GAGE10: variants seen among roughly 807,000 people sequenced by gnomAD.
The protein encoded by GAGE10 is G antigen 10.
In GAGE10, 9 loss-of-function variants were observed where a neutral mutation model predicts 11.5. The observed-to-expected ratio is 0.78, with a 90% CI of 0.47 to 1.37. The LOEUF is 1.37. GAGE10 is among the 40% of genes most tolerant of loss of function. The pLI is 0.00. For missense variants in GAGE10, 83 were observed against 92.9 expected, an observed-to-expected ratio of 0.89 and a Z score of 0.44; for synonymous variants, 23 against 29.7, an observed-to-expected ratio of 0.77 and a Z score of 0.73.
intron 3 of GAGE10, among the ~76,000 whole-genome samples, chrX:49,306,507 A>C (rs1478963560): frequency 1.8e-5 from 2 of 112,276 alleles, no homozygotes; most frequent in Non-Finnish European, 3.8e-5. Flanking sequence ...CATGACTGTA[A>C]GATTTTCCAT....
chrX:49,311,459 G>T (rs1557124735), intron 3 of GAGE10, among the ~76,000 whole-genome samples: 1 of 111,577 alleles, frequency 9.0e-6, no homozygotes, highest in Non-Finnish European at 1.9e-5. Flanking sequence ...CAAGGAGGCT[G>T]TATGTGCATT....
intron 3 of GAGE10, among the ~76,000 whole-genome samples, chrX:49,313,160 G>A (rs2066380915): frequency 8.9e-6 from 1 of 112,278 alleles, no homozygotes; most frequent in South Asian, 3.7e-4. Flanking sequence ...TTAACCCTAG[G>A]ATCAGACAGT....
At chrX:49,313,521 G>A (rs1443807488) in intron 3 of GAGE10, among the ~76,000 whole-genome samples, 1 of 111,902 alleles carries the variant, frequency 8.9e-6, no homozygotes, top group Non-Finnish European at 1.9e-5. Flanking sequence ...GAGTGGGAAT[G>A]TAGGAGGTGC....
rs367700874 is a variant in GAGE10 at position 49,317,167 on chromosome X, G to A, written c.207G>A (p.Pro69=). The A allele has an allele frequency of 2.6e-5, 31 of 1,199,869 alleles. No individual in the cohort carries two copies. The highest frequency in any genetic ancestry group is 2.4e-4 in the East Asian group (8 of 33,446). ...EDEGASAGQG[P]KPEADSQEQV... ...TATGTATTTTTTATTTTTAATGGCC[G>A]AAGCCTGAAGCTGATAGCCAGGAAC... The change falls in exon 4 of 5, where the codon CCG becomes CCA. Residue 69 remains proline (P), a synonymous_variant. Coordinates refer to ENST00000407599, the MANE Select transcript of GAGE10 (RefSeq NM_001098413.4).
chrX:49,314,111 T>C (rs1209688124), intron 3 of GAGE10, among the ~76,000 whole-genome samples: 3 of 112,668 alleles, frequency 2.7e-5, no homozygotes, highest in Non-Finnish European at 5.6e-5. Context: ...ATGTGTAGTG[T>C]AAACATGTTT....
chrX:49,311,388 G>A (rs781879053), intron 3 of GAGE10, among the ~76,000 whole-genome samples: 5 of 112,072 alleles, frequency 4.5e-5, no homozygotes, highest in South Asian at 3.7e-4. Context: ...GTCTGTTTTC[G>A]GGAGGTTGGA....
At chrX:49,316,826 A>G (rs1406684869) in intron 3 of GAGE10, among the ~76,000 whole-genome samples, 1 of 111,085 alleles carries the variant, frequency 9.0e-6, no homozygotes. Context: ...ATAACAGTCT[A>G]AGTGCTAGGA....
chrX:49,305,962 G>A (rs1163735424), intron 3 of GAGE10, among the ~76,000 whole-genome samples: 1 of 111,578 alleles, frequency 9.0e-6, no homozygotes, highest in Non-Finnish European at 1.9e-5. Context: ...CCAGTTCAGA[G>A]GAGCAGGAGC....
intron 3 of GAGE10, among the ~76,000 whole-genome samples, chrX:49,311,153 A>G (rs1272727305): frequency 1.8e-5 from 2 of 111,426 alleles, no homozygotes; most frequent in Non-Finnish European, 3.8e-5. Context: ...CTGCAAACAG[A>G]CCCCTGGTGG....
chrX:49,315,013 C>T (rs782363222), intron 3 of GAGE10, among the ~76,000 whole-genome samples: 2 of 111,763 alleles, frequency 1.8e-5, no homozygotes, highest in Non-Finnish European at 3.8e-5. Flanking sequence ...TATGATAAGA[C>T]TAAAAACAAA....
chrX:49,317,181 A>T lies in GAGE10; in HGVS notation c.221A>T (p.Asp74Val). ...TTTTAATGGCCGAAGCCTGAAGCTG[A>T]TAGCCAGGAACAGGTTCACCCAAAG... Reference protein sequence around the residue: ...SAGQGPKPEADSQEQVHPKTG... With the variant: ...SAGQGPKPEAVSQEQVHPKTG... The change falls in exon 4 of 5, where the codon GAT becomes GTT. Residue 74 changes from aspartate (D) to valine (V), a missense_variant. Physicochemically the swap from Asp to Val is radical, Grantham distance 152. Around this residue, in one of 3 missense-constraint regions of GAGE10, gnomAD observed 66 missense variants for 35.4 expected, o/e 1.87. Transcript: ENST00000407599. 8.3e-7 allele frequency: 1 copy of T among 1,205,832 alleles called. No homozygotes were observed.
chrX:49,304,937 G>T lies in GAGE10; in HGVS notation c.78G>T (p.Met26Ile), dbSNP rs781903889. The T allele has an allele frequency of 1.0e-5, 12 of 1,199,520 alleles. No individual in the cohort carries two copies. The Admixed American group carries it at 2.7e-4, about 27-fold the overall frequency. The change falls in exon 2 of 5, where the codon ATG (methionine) becomes ATT (isoleucine). Residue 26 changes from methionine to isoleucine, a missense_variant. Met to Ile is a conservative substitution (Grantham distance 10, BLOSUM62 1). Coordinates refer to ENST00000407599, the MANE Select transcript of GAGE10 (RefSeq NM_001098413.4). ...AGCCCCCTGAAATGATTGGGCCTAT[G>T]CTGGTGAGTGCTTAAACGTTAATTC... ...YVEPPEMIGP[M>I]LPEQFSDEVE...
chrX:49,307,950 A>G (rs1329411024), intron 3 of GAGE10, among the ~76,000 whole-genome samples: 3 of 112,246 alleles, frequency 2.7e-5, no homozygotes, highest in Non-Finnish European at 5.6e-5. Context: ...AGGCATTGTG[A>G]AGACCCTGTT....
intron 3 of GAGE10, among the ~76,000 whole-genome samples, chrX:49,307,467 C>CTTTTTTCCTTTTTTT (rs2066361428): frequency 1.2e-5 from 1 of 85,027 alleles, no homozygotes; most frequent in African/African-American, 3.5e-5. Context: ...CAGACAATTT[C>CTTTTTTCCTTTTTTT]TTTTTTCCTT....
At position 49,317,145 on chromosome X, in the gene GAGE10, G is replaced by A; in HGVS notation, c.203-18G>A. The A allele has an allele frequency of 8.4e-7, 1 of 1,189,970 alleles. No individual in the cohort carries two copies. Among genetic ancestry groups the A allele is most frequent in the Middle Eastern group, 2.3e-4 (1 of 4,265 alleles). The stretch of plus-strand genomic sequence containing the variant: ...CATGTTTTACTGCTTAAATTGATAT[G>A]TATTTTTTATTTTTAATGGCCGAAG... On this transcript the variant is annotated intron_variant, in intron 3 of 4. Transcript: ENST00000407599.
intron 3 of GAGE10, 36 bp from the exon 4 acceptor site, chrX:49,317,127 T>C (rs2066394893): frequency 8.5e-7 from 1 of 1,172,005 alleles, no homozygotes; most frequent in African/African-American, 1.8e-5. Context: ...TTTCATGTTT[T>C]ACTGCTTAAA....
At chrX:49,316,618 T>G (rs1202219388) in intron 3 of GAGE10, among the ~76,000 whole-genome samples, 2 of 112,232 alleles carry the variant, frequency 1.8e-5, no homozygotes, top group African/African-American at 6.5e-5. Flanking sequence ...GGATCACATC[T>G]TGCATGTGCT....
At chrX:49,304,167 A>C (rs12849868) in intron 1 of GAGE10, among the ~76,000 whole-genome samples, 1 of 112,010 alleles carries the variant, frequency 8.9e-6, no homozygotes, top group Non-Finnish European at 1.9e-5. Flanking sequence ...GCGATAAAGA[A>C]GGGACCTGGC....
intron 4 of GAGE10, among the ~76,000 whole-genome samples, 168 bp from the exon 5 acceptor site, chrX:49,319,560 A>C (rs2066408450): frequency 8.7e-6 from 1 of 114,775 alleles, no homozygotes; most frequent in Non-Finnish European, 1.9e-5. Context: ...GTCTACGCTC[A>C]AAGTTTATGC....
Sources: allele counts gnomAD v4.1 joint callset (sites outside exome capture counted in the v4.1 genomes callset), GRCh38; gene constraint gnomAD v4.1.1; regional missense constraint gnomAD v4.1.1; transcripts MANE v1.5; gene names NCBI Gene and HGNC (gene_info 2026-07-23, HGNC 2026-07-21).